The following TAF8 variants were observed in gnomAD, a reference collection of about 807,000 sequenced individuals.
TAF8 encodes TATA-box binding protein associated factor 8, also known as transcription initiation factor TFIID subunit 8.
A neutral mutation model predicts 36.5 loss-of-function variants in TAF8; 47 were observed. The observed-to-expected ratio is 1.29, with a 90% CI of 1.02 to 1.64. The LOEUF (loss-of-function observed/expected upper bound fraction) is 1.64. TAF8 is among the 40% of genes most tolerant of loss of function. TAF8 has a pLI of 0.00. For missense variants in TAF8, 420 were observed against 407.6 expected, an observed-to-expected ratio of 1.03 and a Z score of -0.26; for synonymous variants, 175 against 159.5, an observed-to-expected ratio of 1.10 and a Z score of -0.73.
chr6:42,077,068 ATGT>A lies in TAF8; in HGVS notation c.781-28_781-26del, dbSNP rs769275511. 9 of 1,597,684 alleles carry A rather than the reference ATGT, an allele frequency of 5.6e-6. No homozygotes were observed. In the South Asian group the frequency reaches 1.0e-4, roughly 18 times the overall value. ...CATGATCTCTTTCCTTATGCTGTTG[ATGT>A]TGTGCTTTATTTTGGCTTTTGCTCA... On this transcript the variant is annotated intron_variant, in intron 7 of 8. Coordinates refer to ENST00000372977, the MANE Select transcript of TAF8 (RefSeq NM_138572.3).
chr6:42,079,974 G>C lies in TAF8; in HGVS notation c.*2429G>C. On this transcript the variant is annotated 3_prime_UTR_variant, in exon 9 of 9. Transcript: ENST00000372977. ...GTGTAAGGAAAGAGCTGCTTGTCAG[G>C]AACGGAAGAGGGGACGCTAGTAAAA... 1.0e-6 allele frequency: 1 copy of C among 980,462 alleles called. No homozygotes were observed. Among genetic ancestry groups the C allele is most frequent in the Non-Finnish European group, 1.2e-6 (1 of 828,842 alleles). 60.7% of individuals were successfully genotyped at this position (980,462 alleles called of 1,614,324 possible).
intron 7 of TAF8, among the ~76,000 whole-genome samples, chr6:42,069,819 T>C (rs970303681): frequency 3.3e-5 from 5 of 152,012 alleles, no homozygotes; most frequent in African/African-American, 4.8e-5. Flanking sequence ...AGGAGGCACA[T>C]TGAGTCCTGG....
At chr6:42,075,144 A>T (rs1169000410) in intron 7 of TAF8, among the ~76,000 whole-genome samples, 8 of 152,108 alleles carry the variant, frequency 5.3e-5, no homozygotes, top group Non-Finnish European at 1.2e-4. Context: ...AAATGATAGG[A>T]TGGACGGAGC....
chr6:42,053,050 T>C (rs1031339152), intron 2 of TAF8, among the ~76,000 whole-genome samples: 5 of 152,172 alleles, frequency 3.3e-5, no homozygotes, highest in Non-Finnish European at 5.9e-5. Flanking sequence ...ATCTCAATCA[T>C]TGTGGCTTCA....
At position 42,055,630 on chromosome 6, in the gene TAF8, G is replaced by A. The variant is rs749172248; in HGVS notation, c.301+1G>A. 1 of 1,612,370 alleles carries A rather than the reference G, an allele frequency of 6.2e-7. No homozygotes were observed. The highest frequency in any genetic ancestry group is 2.2e-5 in the East Asian group (1 of 44,880). Reference sequence around the variant, plus strand: ...ATCGTGGTCACACTTGTTGAGATGGGTGAGTATACCTTCAGTTTCCAGTTC... The same window carrying A: ...ATCGTGGTCACACTTGTTGAGATGGATGAGTATACCTTCAGTTTCCAGTTC... On this transcript the variant is annotated splice_donor_variant, in intron 3 of 8. Coordinates refer to ENST00000372977, the MANE Select transcript of TAF8 (RefSeq NM_138572.3). LOFTEE classifies it high-confidence loss of function.
chr6:42,074,126 TAAAA>T, intron 7 of TAF8, among the ~76,000 whole-genome samples: 1 of 151,928 alleles, frequency 6.6e-6, no homozygotes, highest in South Asian at 2.1e-4. Context: ...TGTTTAAAAA[TAAAA>T]GAAAGAAAAC....
Position 42,077,920 on chromosome 6 carries a change from T to G in TAF8, c.*375T>G. The G allele has an allele frequency of 3.3e-6, 1 of 299,892 alleles. No individual in the cohort carries two copies. Among genetic ancestry groups the G allele is most frequent in the Non-Finnish European group, 5.5e-6 (1 of 183,456 alleles). The allele number at this position is 299,892 out of a possible 1,614,324, so 18.6% of individuals were successfully genotyped here. ...TAGAGGCAAGCGCCACCATGCTGGC[T>G]AATTTTTGTATTTTGAGTAGAGATA... is the stretch of plus-strand genomic sequence containing the variant. On this transcript the variant is annotated 3_prime_UTR_variant, in exon 9 of 9. Transcript: ENST00000372977.
intron 7 of TAF8, among the ~76,000 whole-genome samples, chr6:42,076,880 G>A (rs73733098): frequency 0.017 from 2,660 of 152,224 alleles, 74 homozygotes; most frequent in African/African-American, 0.06. Flanking sequence ...GGACTCTGTT[G>A]TGTGCTCTCT....
At chr6:42,070,845 G>A (rs919004990) in intron 7 of TAF8, among the ~76,000 whole-genome samples, 1 of 152,200 alleles carries the variant, frequency 6.6e-6, no homozygotes, top group Non-Finnish European at 1.5e-5. Context: ...GAGAGGGGAT[G>A]GGCCCGTGAC....
intron 7 of TAF8, among the ~76,000 whole-genome samples, chr6:42,069,948 C>T (rs1765508431): frequency 6.6e-6 from 1 of 152,070 alleles, no homozygotes; most frequent in African/African-American, 2.4e-5. Context: ...GAGAAAAGAG[C>T]AATTAGCTGT....
At chr6:42,055,761 C>T (rs1372391006) in intron 3 of TAF8, 132 bp downstream of exon 3, 4 of 804,040 alleles carry the variant, frequency 5.0e-6, no homozygotes, top group Non-Finnish European at 8.3e-6. Flanking sequence ...AGAGAGTTAT[C>T]AAGAGAGATT....
intron 5 of TAF8, among the ~76,000 whole-genome samples, chr6:42,059,718 C>T (rs1265993632): frequency 6.6e-6 from 1 of 152,192 alleles, no homozygotes; most frequent in Non-Finnish European, 1.5e-5. Flanking sequence ...AACTAAGTTT[C>T]TCCCAAAGTT....
At chr6:42,069,442 T>C (rs1263972947) in intron 7 of TAF8, among the ~76,000 whole-genome samples, 1 of 152,022 alleles carries the variant, frequency 6.6e-6, no homozygotes, top group Non-Finnish European at 1.5e-5. Flanking sequence ...TTGGTCAGAT[T>C]CTAGATCACT....
In TAF8 at chr6:42,078,814, A is replaced by G. The variant is rs1765838051; in HGVS notation, c.*1269A>G. On this transcript the variant is annotated 3_prime_UTR_variant, in exon 9 of 9. Coordinates refer to ENST00000372977, the MANE Select transcript of TAF8 (RefSeq NM_138572.3). ...TATGCTGGGACTTGACAGAGGAGCC[A>G]TGGGGTTTAAACAGTAGGAAAGAGG... 2 of 985,300 alleles carry G rather than the reference A, an allele frequency of 2.0e-6. No individual in the cohort carries two copies. The highest frequency in any genetic ancestry group is 2.4e-6 in the Non-Finnish European group (2 of 829,930). The allele number at this position is 985,300 out of a possible 1,614,324, so 61.0% of individuals were successfully genotyped here.
intron 5 of TAF8, chr6:42,057,837 A>T: frequency 2.8e-6 from 1 of 355,208 alleles, no homozygotes; most frequent in Non-Finnish European, 5.0e-6. Flanking sequence ...AATGAGAATT[A>T]TGTTCTCAAG....
rs1765893177 is a variant in TAF8 at position 42,080,539 on chromosome 6, A to T, written c.*2994A>T. The T allele has an allele frequency of 2.1e-6, 1 of 486,620 alleles. No individual in the cohort carries two copies. The highest frequency in any genetic ancestry group is 2.7e-6 in the Non-Finnish European group (1 of 374,746). The allele number at this position is 486,620 out of a possible 1,614,324, so 30.1% of individuals were successfully genotyped here. On this transcript the variant is annotated 3_prime_UTR_variant, in exon 9 of 9. Transcript: ENST00000372977. ...AGGCACCTACCACAATTCTCGGCTA[A>T]TTTTTTTTGTATTTTTGGTAGAGAC...
At chr6:42,058,150 G>A (rs911340416) in intron 5 of TAF8, among the ~76,000 whole-genome samples, 1 of 152,150 alleles carries the variant, frequency 6.6e-6, no homozygotes, top group Non-Finnish European at 1.5e-5. Context: ...TTGGAAGGCC[G>A]AGGCAGATGG....
At chr6:42,066,502 A>G (rs1052037970) in intron 6 of TAF8, 43 bp downstream of exon 6, 1 of 1,603,224 alleles carries the variant, frequency 6.2e-7, no homozygotes, top group African/African-American at 1.3e-5. Flanking sequence ...TATTTGAAAC[A>G]CTCACATTAT....
intron 5 of TAF8, among the ~76,000 whole-genome samples, chr6:42,065,280 A>AG (rs1765322697): frequency 6.7e-6 from 1 of 150,280 alleles, no homozygotes; most frequent in African/African-American, 2.5e-5. Context: ...CAGGAGGTGG[A>AG]GGTTGCAGTG....
Sources: allele counts gnomAD v4.1 joint callset (sites outside exome capture counted in the v4.1 genomes callset), GRCh38; gene constraint gnomAD v4.1.1; transcripts MANE v1.5; gene names NCBI Gene and HGNC (gene_info 2026-07-23, HGNC 2026-07-21).